Variants in CHMP3 observed in about 807,000 individuals in gnomAD.
CHMP3 encodes charged multivesicular body protein 3, also known as 25.1 protein.
A neutral mutation model predicts 27.4 loss-of-function variants in CHMP3; 8 were observed. The ratio of observed to expected loss-of-function variants is 0.29; its 90% CI spans 0.17 to 0.53. The LOEUF (loss-of-function observed/expected upper bound fraction) is 0.53. Among genes scored for constraint, CHMP3 ranks in the 20% least tolerant of loss-of-function variants. The pLI is 0.96. For synonymous variants in CHMP3, 86 were observed against 85.5 expected, an observed-to-expected ratio of 1.01 and a Z score of -0.03; for missense variants, 208 against 271.5, an observed-to-expected ratio of 0.77 and a Z score of 1.64.
chr2:86,505,909 A>G lies in CHMP3; in HGVS notation c.564T>C (p.Leu188=). 6.3e-7 allele frequency: 1 copy of G among 1,590,558 alleles called. No homozygotes were observed. The highest frequency in any genetic ancestry group is 8.6e-7 in the Non-Finnish European group (1 of 1,166,810). The part of the protein sequence containing the change: ...GKAPSKVTDA[L]PEPEPPGAMA... ...TCGCTCCTGGAGGTTCTGGCTCTGG[A>G]AGGGCATCAGTCACTTTACTGGGTG... The change falls in exon 6 of 6, where the codon CTT becomes CTC. Residue 188 remains leucine (L), a synonymous_variant. Transcript: ENST00000263856.
At chr2:86,561,810 A>G (rs960375167) in intron 1 of CHMP3, 6 of 152,220 alleles carry the variant, frequency 3.9e-5, no homozygotes, top group Admixed American at 1.3e-4. Context: ...CTAGAGTAGT[A>G]TAGTAGTACA....
At chr2:86,535,255 CAA>C (rs574431905) in intron 2 of CHMP3, among the ~76,000 whole-genome samples, 34 of 61,606 alleles carry the variant, frequency 5.5e-4, no homozygotes, top group Admixed American at 1.3e-3. Context: ...ACCCTATCTC[CAA>C]AAAAAAAAAA....
chr2:86,539,495 A>T (rs1202044194), intron 2 of CHMP3, among the ~76,000 whole-genome samples: 1 of 152,172 alleles, frequency 6.6e-6, no homozygotes, highest in Non-Finnish European at 1.5e-5. Context: ...AAATAACAGG[A>T]AACCTACATG....
intron 2 of CHMP3, among the ~76,000 whole-genome samples, chr2:86,541,691 C>T (rs1048980095): frequency 2.0e-5 from 3 of 152,018 alleles, no homozygotes; most frequent in East Asian, 1.9e-4. Flanking sequence ...TTTTTATTTA[C>T]GATGAGAATG....
At chr2:86,528,587 GACT>G (rs879589571) in intron 3 of CHMP3, among the ~76,000 whole-genome samples, 11 of 152,136 alleles carry the variant, frequency 7.2e-5, no homozygotes, top group Non-Finnish European at 1.5e-4. Flanking sequence ...TCTGAGTTAG[GACT>G]ACTTCATAAT....
intron 1 of CHMP3, among the ~76,000 whole-genome samples, chr2:86,544,138 C>T (rs1287284177): frequency 2.0e-5 from 3 of 152,102 alleles, no homozygotes; most frequent in Non-Finnish European, 4.4e-5. Context: ...TACTTCAGTC[C>T]TTTTTATGGC....
At chr2:86,553,983 T>A (rs1056262019) in intron 1 of CHMP3, among the ~76,000 whole-genome samples, 1 of 152,238 alleles carries the variant, frequency 6.6e-6, no homozygotes, top group Non-Finnish European at 1.5e-5. Flanking sequence ...TATGTTGAAA[T>A]CCTAATCCTC....
chr2:86,514,685 A>G lies in CHMP3; in HGVS notation c.287-4206T>C, dbSNP rs76489750. Among the ~76,000 whole-genome samples the G allele has an allele frequency of 4.9e-3, 745 of 152,354 alleles. 7 individuals are homozygous for G. The highest frequency in any genetic ancestry group is 0.017 in the African/African-American group (690 of 41,584). ...GCTGAATGAATAAATGAATCAATCT[A>G]TAAACAAAGCATTATTTAATGGTAG... On this transcript the variant is annotated intron_variant, in intron 3 of 5. Coordinates refer to ENST00000263856, the MANE Select transcript of CHMP3 (RefSeq NM_016079.4).
chr2:86,533,648 CCA>C (rs1452205210), intron 2 of CHMP3, among the ~76,000 whole-genome samples: 1 of 151,992 alleles, frequency 6.6e-6, no homozygotes, highest in African/African-American at 2.4e-5. Flanking sequence ...CTGCGACTAC[CCA>C]CAGACCACAG....
chr2:86,557,467 G>T (rs180691629), intron 1 of CHMP3, among the ~76,000 whole-genome samples: 2 of 152,050 alleles, frequency 1.3e-5, no homozygotes, highest in Admixed American at 6.5e-5. Flanking sequence ...TGTTCTGATT[G>T]CTCCCCATCT....
chr2:86,510,297 T>G (rs1238899279), intron 4 of CHMP3, 61 bp downstream of exon 4: 581 of 890,840 alleles, frequency 6.5e-4, no homozygotes, highest in Non-Finnish European at 9.1e-4. Context: ...CCTAGCCCCC[T>G]GTTACTTGTT....
chr2:86,542,473 T>C (rs928505510), intron 1 of CHMP3, among the ~76,000 whole-genome samples, 161 bp from the exon 2 acceptor site: 1 of 152,242 alleles, frequency 6.6e-6, no homozygotes, highest in South Asian at 2.1e-4. Context: ...TTTTTTTAAT[T>C]TCACCTCTTT....
At chr2:86,552,564 A>C (rs1474732328) in intron 1 of CHMP3, among the ~76,000 whole-genome samples, 2 of 152,230 alleles carry the variant, frequency 1.3e-5, no homozygotes, top group Non-Finnish European at 2.9e-5. Flanking sequence ...GTGCTAAAAT[A>C]TCACCCCTCA....
At chr2:86,529,523 CA>C in intron 2 of CHMP3, 126 bp from the exon 3 acceptor site, 1 of 906,344 alleles carries the variant, frequency 1.1e-6, no homozygotes, top group Non-Finnish European at 1.5e-6. Flanking sequence ...TACATAAAAT[CA>C]AAATAACGTA....
At chr2:86,542,383 T>C in intron 1 of CHMP3, 71 bp from the exon 2 acceptor site, 1 of 1,396,452 alleles carries the variant, frequency 7.2e-7, no homozygotes, top group Non-Finnish European at 1.0e-6. Context: ...TTAAGAATTT[T>C]GTATTAACTC....
At position 86,508,356 on chromosome 2, in the gene CHMP3, C is replaced by T. The variant is rs576242649; in HGVS notation, c.409-763G>A. On this transcript the variant is annotated intron_variant, in intron 4 of 5. Transcript: ENST00000263856. ...AACCTAGCCCTGCAGTCTTTGTGCT[C>T]AGCAGTTCCTCAACTCCCAGATAGG... Among the ~76,000 whole-genome samples the T allele has an allele frequency of 8.1e-4, 124 of 152,314 alleles. 1 individual carries two copies. The highest frequency in any genetic ancestry group is 2.9e-3 in the African/African-American group (122 of 41,592).
chr2:86,544,561 G>T (rs1016718801), intron 1 of CHMP3, among the ~76,000 whole-genome samples: 2 of 152,062 alleles, frequency 1.3e-5, no homozygotes, highest in African/African-American at 2.4e-5. Context: ...CGAGCATGCT[G>T]CCTTCAAGCA....
At chr2:86,508,651 G>C (rs1030215069) in intron 4 of CHMP3, among the ~76,000 whole-genome samples, 1 of 152,172 alleles carries the variant, frequency 6.6e-6, no homozygotes, top group African/African-American at 2.4e-5. Context: ...CTCCGGCCCT[G>C]GCTCCCTTGT....
chr2:86,547,522 C>T (rs938835239), intron 1 of CHMP3, among the ~76,000 whole-genome samples: 1 of 152,198 alleles, frequency 6.6e-6, no homozygotes, highest in Non-Finnish European at 1.5e-5. Context: ...ACCTGAACTA[C>T]ACAAAAGTCA....
Sources: gnomAD v4.1 joint callset for allele counts (sites outside exome capture counted in the v4.1 genomes callset) on GRCh38, gnomAD v4.1.1 for gene constraint, MANE v1.5 for transcripts, NCBI Gene and HGNC (gene_info 2026-07-23, HGNC 2026-07-21) for gene names.